NLGN1: variants seen among roughly 807,000 people sequenced by gnomAD.
NLGN1 encodes neuroligin 1, also known as neuroligin-1.
Under a neutral mutation model 65.5 loss-of-function variants are expected in NLGN1, and 12 were observed. That is an observed-to-expected ratio of 0.18 (90% CI 0.12 to 0.30). The LOEUF (loss-of-function observed/expected upper bound fraction) is 0.30. Ranked by LOEUF, NLGN1 falls within the 10% of genes least tolerant of loss-of-function variation. The pLI is 1.00. For missense variants in NLGN1, 750 were observed against 1,007.1 expected, an observed-to-expected ratio of 0.74 and a Z score of 3.46; for synonymous variants, 350 against 359.5, an observed-to-expected ratio of 0.97 and a Z score of 0.30.
intron 4 of NLGN1, among the ~76,000 whole-genome samples, chr3:174,254,913 T>A (rs1745402967): frequency 6.6e-6 from 1 of 152,208 alleles, no homozygotes; most frequent in South Asian, 2.1e-4. Flanking sequence ...TATATATATT[T>A]TAACTACTTT....
intron 4 of NLGN1, among the ~76,000 whole-genome samples, chr3:174,195,009 G>A (rs1305918426): frequency 6.6e-6 from 1 of 151,986 alleles, no homozygotes; most frequent in Non-Finnish European, 1.5e-5. Context: ...TTACAGGCAT[G>A]CACCACTACG....
chr3:173,923,270 G>A (rs1742391871), intron 4 of NLGN1, among the ~76,000 whole-genome samples: 1 of 152,114 alleles, frequency 6.6e-6, no homozygotes, highest in Non-Finnish European at 1.5e-5. Context: ...TAGAGGGTCT[G>A]TTTTGTGGTA....
chr3:174,286,633 C>T (rs1752151952), exon 7 of NLGN1: 1 of 151,474 alleles, frequency 6.6e-6, no homozygotes, highest in African/African-American at 2.4e-5. Context: ...TAAATATTAC[C>T]ATGTTTTCCA....
chr3:173,797,009 G>A (rs973175158), intron 3 of NLGN1, among the ~76,000 whole-genome samples: 1 of 152,154 alleles, frequency 6.6e-6, no homozygotes, highest in African/African-American at 2.4e-5. Context: ...CAAAGGGAAA[G>A]TGAGCCAGAG....
chr3:173,645,883 G>A (rs899189471), intron 3 of NLGN1, among the ~76,000 whole-genome samples: 4 of 152,078 alleles, frequency 2.6e-5, no homozygotes, highest in African/African-American at 7.2e-5. Context: ...CATTCTCCTC[G>A]GCCCCCACCC....
At position 173,413,280 on chromosome 3, in the gene NLGN1, A is replaced by G. The variant is rs188955579; in HGVS notation, c.-390+14793A>G. ...TATTTTTTGTTTTATCTATCCATCC[A>G]TCTACCTATTTTATTTTAATTTTAA... On this transcript the variant is annotated intron_variant, in intron 1 of 6. Coordinates refer to ENST00000457714, the Ensembl canonical transcript of NLGN1. Among the ~76,000 whole-genome samples, 76 of 152,054 alleles carry G rather than the reference A, an allele frequency of 5.0e-4. 1 individual carries two copies. The highest frequency in any genetic ancestry group is 7.6e-4 in the Non-Finnish European group (52 of 67,994).
At chr3:174,216,528 A>C (rs13064752) in intron 4 of NLGN1, among the ~76,000 whole-genome samples, 94,051 of 151,960 alleles carry the variant, frequency 0.62, 30,804 homozygotes, top group East Asian at 0.8. Context: ...TAGTCTTGGG[A>C]AACTGAGTAG....
At chr3:173,533,220 A>G (rs2149190687) in intron 2 of NLGN1, among the ~76,000 whole-genome samples, 1 of 152,280 alleles carries the variant, frequency 6.6e-6, no homozygotes, top group Non-Finnish European at 1.5e-5. Flanking sequence ...CTTCAATTAA[A>G]TCTGTATTAG....
chr3:174,017,143 A>G (rs1726737526), intron 4 of NLGN1, among the ~76,000 whole-genome samples: 1 of 152,156 alleles, frequency 6.6e-6, no homozygotes, highest in Non-Finnish European at 1.5e-5. Context: ...ATAGGTGCTT[A>G]TATTTTGAAA....
At chr3:173,886,583 A>C (rs1734375474) in intron 4 of NLGN1, among the ~76,000 whole-genome samples, 1 of 152,152 alleles carries the variant, frequency 6.6e-6, no homozygotes, top group South Asian at 2.1e-4. Flanking sequence ...TTATAAACTG[A>C]GAACTTATAC....
Position 173,970,288 on chromosome 3 carries a change from A to G in NLGN1, c.646+162456A>G, listed in dbSNP as rs191443046. Among the ~76,000 whole-genome samples the G allele has an allele frequency of 1.3e-5, 2 of 152,282 alleles. 1 individual carries two copies. Among genetic ancestry groups the G allele is most frequent in the Admixed American group, 1.3e-4 (2 of 15,282 alleles). On this transcript the variant is annotated intron_variant, in intron 4 of 6. Transcript: ENST00000457714. ...GTGAAGACTAGTAATATTTTGTGGT[A>G]AATGCAGTGAGAGAAAATGTACAGG...
intron 4 of NLGN1, among the ~76,000 whole-genome samples, chr3:174,093,700 C>T (rs1744944726): frequency 6.6e-6 from 1 of 152,156 alleles, no homozygotes; most frequent in Non-Finnish European, 1.5e-5. Context: ...TTAAATTGTT[C>T]ACACCACACA....
intron 4 of NLGN1, among the ~76,000 whole-genome samples, chr3:174,021,400 T>G (rs535573225): frequency 6.6e-6 from 1 of 152,248 alleles, no homozygotes; most frequent in African/African-American, 2.4e-5. Context: ...TCCTCTTTTC[T>G]TAGTTAAAAA....
chr3:173,458,494 A>G (rs1448719309), intron 2 of NLGN1, among the ~76,000 whole-genome samples: 1 of 151,942 alleles, frequency 6.6e-6, no homozygotes, highest in East Asian at 1.9e-4. Flanking sequence ...ATATGCTCAA[A>G]TCTTTTCTCT....
chr3:173,677,314 G>A (rs1763300063), intron 3 of NLGN1, among the ~76,000 whole-genome samples: 1 of 151,904 alleles, frequency 6.6e-6, no homozygotes, highest in Non-Finnish European at 1.5e-5. Flanking sequence ...GGAACTATGT[G>A]CTAGAATATC....
At chr3:174,160,532 C>T (rs1482544006) in intron 4 of NLGN1, among the ~76,000 whole-genome samples, 1 of 151,420 alleles carries the variant, frequency 6.6e-6, no homozygotes, top group East Asian at 1.9e-4. Flanking sequence ...CAGTTGCTAA[C>T]ATCTCATTTC....
chr3:174,079,008 G>T (rs1026201092), intron 4 of NLGN1, among the ~76,000 whole-genome samples: 1 of 152,072 alleles, frequency 6.6e-6, no homozygotes, highest in African/African-American at 2.4e-5. Context: ...GTGTGTGTGT[G>T]TGTGTATGTA....
chr3:173,719,003 C>T (rs1770352885), intron 3 of NLGN1, among the ~76,000 whole-genome samples: 1 of 152,148 alleles, frequency 6.6e-6, no homozygotes, highest in Non-Finnish European at 1.5e-5. Flanking sequence ...CTGCCATTTT[C>T]CTTGCCCCCA....
intron 2 of NLGN1, among the ~76,000 whole-genome samples, chr3:173,597,044 A>G (rs552648759): frequency 6.6e-6 from 1 of 152,294 alleles, no homozygotes; most frequent in South Asian, 2.1e-4. Flanking sequence ...GCTGCAAATT[A>G]TGACTATTAA....
Sources: allele counts gnomAD v4.1 joint callset (sites outside exome capture counted in the v4.1 genomes callset), GRCh38; gene constraint gnomAD v4.1.1; transcripts MANE v1.5; gene names NCBI Gene and HGNC (gene_info 2026-07-23, HGNC 2026-07-21).